Variants in PCSK5 observed in about 807,000 individuals in gnomAD.
The protein encoded by PCSK5 is proprotein convertase subtilisin/kexin type 5.
PCSK5 carries 129 observed loss-of-function variants against 233.2 expected under a neutral mutation model. The ratio of observed to expected loss-of-function variants is 0.55; its 90% CI spans 0.48 to 0.64. The LOEUF is 0.64. Among genes scored for constraint, PCSK5 ranks in the 30% least tolerant of loss-of-function variants. The probability of loss-of-function intolerance (pLI) is 0.00; values close to 1 mark genes in which losing one functional copy is unlikely to be tolerated. For missense variants in PCSK5, 2,076 were observed against 2,430.1 expected (o/e 0.85, Z 3.06); for synonymous variants, 825 against 879.2 (o/e 0.94, Z 1.09).
chr9:76,022,949 C>T (rs572680402), intron 3 of PCSK5, among the ~76,000 whole-genome samples: 44 of 152,144 alleles, frequency 2.9e-4, no homozygotes, highest in African/African-American at 1.1e-3. Context: ...ATTTTTTTCT[C>T]GCCCATGGGT....
rs148057993 is a variant in PCSK5, at chr9:76,081,648, C to T, written c.894+9750C>T. On this transcript the variant is annotated intron_variant, in intron 7 of 37. Transcript: ENST00000674117. ...AAATTTAACTTCATTTTAAAATTTG[C>T]GGAATTAGTTTGTGTAATTCACCTA... Among the ~76,000 whole-genome samples the T allele has an allele frequency of 2.5e-3, 377 of 152,166 alleles. 1 individual carries two copies. Among genetic ancestry groups the T allele is most frequent in the Middle Eastern group, 6.8e-3 (2 of 294 alleles).
At chr9:76,265,300 T>A (rs910928968) in intron 24 of PCSK5, among the ~76,000 whole-genome samples, 2 of 151,992 alleles carry the variant, frequency 1.3e-5, no homozygotes, top group African/African-American at 4.8e-5. Flanking sequence ...AACTAACTAC[T>A]GGGTACTAAG....
At chr9:76,314,272 C>T (rs1337185493) in intron 30 of PCSK5, among the ~76,000 whole-genome samples, 1 of 152,196 alleles carries the variant, frequency 6.6e-6, no homozygotes, top group Non-Finnish European at 1.5e-5. Flanking sequence ...AGTAGGAAAG[C>T]TACCAGCATG....
rs766028060 is a variant in PCSK5 at position 76,332,536 on chromosome 9, CA to C, written c.4675del (p.Ser1559AlafsTer14). The C allele has an allele frequency of 1.9e-6, 3 of 1,612,652 alleles. No homozygotes were observed. The highest frequency in any genetic ancestry group is 3.3e-5 in the Admixed American group (2 of 60,004). On this transcript the variant is annotated frameshift_variant, in exon 34 of 38. Coordinates refer to ENST00000674117, the MANE Select transcript of PCSK5 (RefSeq NM_001372043.1). LOFTEE classifies it high-confidence loss of function. ...CTTGCAGGACATGTGAAGGGAGACA[CA>C]GCAGGCAGTGCCACTCCTGCCGACC... ...SSCRTCEGRHSRQCHSCRPGW... is the reference protein window; with the variant it reads ...SSCRTCEGRHXRQCHSCRPGW...
chr9:76,273,881 C>G (rs114255255), intron 24 of PCSK5, among the ~76,000 whole-genome samples: 1,808 of 150,258 alleles, frequency 0.012, 42 homozygotes, highest in African/African-American at 0.042. Context: ...CTCCCAGGCT[C>G]AAGCAAGCCT....
chr9:75,956,172 C>G (rs1436790945), intron 2 of PCSK5, among the ~76,000 whole-genome samples: 1 of 152,176 alleles, frequency 6.6e-6, no homozygotes, highest in East Asian at 1.9e-4. Context: ...ATTGGAATTG[C>G]CCTGTTTGTT....
chr9:76,074,756 A>G (rs940254572), intron 7 of PCSK5, among the ~76,000 whole-genome samples: 2 of 152,250 alleles, frequency 1.3e-5, no homozygotes, highest in African/African-American at 4.8e-5. Context: ...AGCAACTAGT[A>G]TAATACCTGC....
chr9:76,316,502 C>G (rs1434178200), intron 30 of PCSK5, among the ~76,000 whole-genome samples: 1 of 151,222 alleles, frequency 6.6e-6, no homozygotes, highest in Non-Finnish European at 1.5e-5. Flanking sequence ...GGTGGGCGCA[C>G]TGCTTGAGGC....
chr9:75,986,136 A>G lies in PCSK5; in HGVS notation c.302A>G (p.Glu101Gly). Residue 101 changes from glutamate to glycine, a missense_variant, in exon 3 of 38, where the codon GAA becomes GGA. Coordinates refer to ENST00000674117, the MANE Select transcript of PCSK5 (RefSeq NM_001372043.1). ...ACCAAATGTCCTTCTTGACAGGTGG[A>G]ATGGATCCAACAGCAAGTGGTAAAA... ...HSFISMEPKV[E>G]WIQQQVVKKR... 6.3e-7 allele frequency: 1 copy of G among 1,593,868 alleles called. No individual in the cohort carries two copies. Among genetic ancestry groups the G allele is most frequent in the Non-Finnish European group, 8.6e-7 (1 of 1,161,472 alleles).
chr9:76,009,129 T>G (rs2131448346), intron 3 of PCSK5, among the ~76,000 whole-genome samples: 1 of 152,266 alleles, frequency 6.6e-6, no homozygotes, highest in South Asian at 2.1e-4. Flanking sequence ...CCTGGGATGG[T>G]GCTGAGCAAA....
In PCSK5 at chr9:76,096,028, C is replaced by A; in HGVS notation, c.1033C>A (p.Pro345Thr). Residue 345 changes from proline (P) to threonine (T), a missense_variant, in exon 8 of 38, where the codon CCT becomes ACT. Physicochemically the swap from Pro to Thr is conservative, Grantham distance 38. This residue lies in a region of PCSK5 where 178 missense variants were observed against 393.6 expected (regional missense o/e 0.45). Coordinates refer to ENST00000674117, the MANE Select transcript of PCSK5 (RefSeq NM_001372043.1). ...CAGCACTGCAGAAAGCGGAAAGAAA[C>A]CTTGGTACCTGGAAGAGTGTTCATC... The part of the protein sequence containing the change: ...ISSTAESGKK[P>T]WYLEECSSTL... 6.2e-7 allele frequency: 1 copy of A among 1,614,156 alleles called. No individual in the cohort carries two copies. The highest frequency in any genetic ancestry group is 1.1e-5 in the South Asian group (1 of 91,076).
At chr9:76,085,192 T>C (rs1481873250) in intron 7 of PCSK5, among the ~76,000 whole-genome samples, 1 of 152,196 alleles carries the variant, frequency 6.6e-6, no homozygotes, top group Non-Finnish European at 1.5e-5. Context: ...TGAATTGTGG[T>C]CACCAAAGTG....
intron 7 of PCSK5, among the ~76,000 whole-genome samples, chr9:76,089,412 C>T (rs1376618132): frequency 1.3e-5 from 2 of 152,168 alleles, no homozygotes; most frequent in African/African-American, 2.4e-5. Flanking sequence ...TGCAGGGTCT[C>T]GACCTCTTGT....
At chr9:76,063,002 A>C (rs1306516096) in intron 5 of PCSK5, among the ~76,000 whole-genome samples, 1 of 152,126 alleles carries the variant, frequency 6.6e-6, no homozygotes, top group Non-Finnish European at 1.5e-5. Context: ...CTCCACATTC[A>C]TGATCAGCTT....
intron 5 of PCSK5, among the ~76,000 whole-genome samples, chr9:76,058,778 A>G (rs1452539551): frequency 6.6e-6 from 1 of 152,252 alleles, no homozygotes; most frequent in Admixed American, 6.5e-5. Flanking sequence ...TGTTTAAAGA[A>G]TATTTTTAAA....
At position 76,046,645 on chromosome 9, in the gene PCSK5, C is replaced by G. The variant is rs537629478; in HGVS notation, c.632+19608C>G. Among the ~76,000 whole-genome samples the G allele has an allele frequency of 2.1e-5, 3 of 143,612 alleles. No individual in the cohort carries two copies. In the Admixed American group the frequency reaches 2.2e-4, roughly 10 times the overall value. The allele number at this position is 143,612 out of a possible 152,430, so 94.2% of individuals were successfully genotyped here. ...GCATGATCTCGGCTCACTGCAAGCT[C>G]TGCCTCCTGGGTTCACGGCATTCTC... is the stretch of plus-strand genomic sequence containing the variant. On this transcript the variant is annotated intron_variant, in intron 5 of 37. Coordinates refer to ENST00000674117, the MANE Select transcript of PCSK5 (RefSeq NM_001372043.1).
chr9:76,222,085 G>A (rs1825745069), intron 20 of PCSK5, among the ~76,000 whole-genome samples: 1 of 152,100 alleles, frequency 6.6e-6, no homozygotes, highest in Non-Finnish European at 1.5e-5. Flanking sequence ...CTTGAGGAAA[G>A]GAAGAAGACA....
At chr9:75,985,012 C>T (rs922909704) in intron 2 of PCSK5, among the ~76,000 whole-genome samples, 3 of 152,170 alleles carry the variant, frequency 2.0e-5, no homozygotes, top group African/African-American at 7.2e-5. Flanking sequence ...AGCTCCCTTC[C>T]TCCCCACTCA....
chr9:76,252,684 G>T (rs1454870386), intron 24 of PCSK5, among the ~76,000 whole-genome samples: 3 of 152,168 alleles, frequency 2.0e-5, no homozygotes, highest in Admixed American at 6.5e-5. Context: ...TTATAAGTAT[G>T]TGATTGGCAG....
Sources: gnomAD v4.1 joint callset for allele counts (sites outside exome capture counted in the v4.1 genomes callset) on GRCh38, gnomAD v4.1.1 for gene constraint, gnomAD v4.1.1 regional missense constraint, MANE v1.5 for transcripts, NCBI Gene and HGNC (gene_info 2026-07-23, HGNC 2026-07-21) for gene names.